LYPD6: variants seen among roughly 807,000 people sequenced by gnomAD.
LYPD6 encodes ly6/PLAUR domain-containing protein 6.
Under a neutral mutation model 22.7 loss-of-function variants are expected in LYPD6, and 15 were observed. The observed-to-expected ratio is 0.66, with a 90% CI of 0.44 to 1.02. LYPD6 has a LOEUF of 1.02. Among genes scored for constraint, LYPD6 ranks in the 50% least tolerant of loss-of-function variants. The pLI is 0.00. For synonymous variants in LYPD6, 72 were observed against 77.5 expected (o/e 0.93, Z 0.37); for missense variants, 189 against 208.4 (o/e 0.91, Z 0.57).
chr2:149,350,028 A>G (rs1681330372), intron 1 of LYPD6, among the ~76,000 whole-genome samples: 2 of 152,250 alleles, frequency 1.3e-5, no homozygotes, highest in African/African-American at 4.8e-5. Flanking sequence ...AAGGTGCATG[A>G]GTATTTTAAC....
chr2:149,406,678 C>T (rs1258474158), intron 1 of LYPD6, among the ~76,000 whole-genome samples: 2 of 151,970 alleles, frequency 1.3e-5, no homozygotes, highest in African/African-American at 2.4e-5. Context: ...TGTCTTGACT[C>T]TTTATCCAAT....
At chr2:149,384,999 G>C (rs998475222) in intron 1 of LYPD6, among the ~76,000 whole-genome samples, 1 of 150,962 alleles carries the variant, frequency 6.6e-6, no homozygotes, top group African/African-American at 2.4e-5. Flanking sequence ...TTGTCCTTGC[G>C]ATAGTTTACT....
At chr2:149,459,601 T>C (rs190569330) in intron 3 of LYPD6, among the ~76,000 whole-genome samples, 66 of 152,302 alleles carry the variant, frequency 4.3e-4, no homozygotes, top group Non-Finnish European at 1.5e-5. Context: ...TAGAGGATTA[T>C]TTAATACAAT....
the LYPD6 span, among the ~76,000 whole-genome samples, chr2:149,480,834 C>A: frequency 6.6e-6 from 1 of 152,166 alleles, no homozygotes; most frequent in African/African-American, 2.4e-5. Context: ...CTAGGCAGCC[C>A]CTACATGCAG....
chr2:149,401,999 A>G (rs1682567166), intron 1 of LYPD6, among the ~76,000 whole-genome samples: 1 of 152,168 alleles, frequency 6.6e-6, no homozygotes, highest in African/African-American at 2.4e-5. Context: ...ACTTAGAATA[A>G]TAGTCTCTGG....
At chr2:149,353,165 T>TACTA (rs1681389920) in intron 1 of LYPD6, among the ~76,000 whole-genome samples, 1 of 152,270 alleles carries the variant, frequency 6.6e-6, no homozygotes, top group African/African-American at 2.4e-5. Flanking sequence ...GGCATTTTGT[T>TACTA]ACTAACTTTG....
chr2:149,343,288 A>G (rs1462631522), intron 1 of LYPD6, among the ~76,000 whole-genome samples: 2 of 152,202 alleles, frequency 1.3e-5, no homozygotes, highest in African/African-American at 4.8e-5. Flanking sequence ...AGAAGGAGCT[A>G]AAGAACTTTT....
At chr2:149,384,524 G>A (rs1202668950) in intron 1 of LYPD6, among the ~76,000 whole-genome samples, 1 of 152,096 alleles carries the variant, frequency 6.6e-6, no homozygotes, top group African/African-American at 2.4e-5. Flanking sequence ...CCAGTCATGG[G>A]CACTGGTTGG....
chr2:149,389,367 A>G (rs1682259417), intron 1 of LYPD6, among the ~76,000 whole-genome samples: 1 of 152,126 alleles, frequency 6.6e-6, no homozygotes, highest in Admixed American at 6.5e-5. Context: ...TGAAATTAAG[A>G]CACCTGAAGA....
intron 1 of LYPD6, among the ~76,000 whole-genome samples, chr2:149,414,576 T>C (rs939212666): frequency 6.6e-6 from 1 of 152,224 alleles, no homozygotes; most frequent in Non-Finnish European, 1.5e-5. Flanking sequence ...TATTAAATTA[T>C]GATTTTCTGG....
intron 1 of LYPD6, among the ~76,000 whole-genome samples, chr2:149,393,448 A>G (rs776046641): frequency 2.0e-5 from 3 of 152,234 alleles, no homozygotes; most frequent in South Asian, 4.1e-4. Flanking sequence ...TCACAATTAC[A>G]GAAGCATACA....
At chr2:149,465,010 A>G (rs1681169610) in intron 3 of LYPD6, among the ~76,000 whole-genome samples, 1 of 152,116 alleles carries the variant, frequency 6.6e-6, no homozygotes, top group South Asian at 2.1e-4. Flanking sequence ...AAGTGTCCAG[A>G]AAATAGTTGG....
intron 1 of LYPD6, among the ~76,000 whole-genome samples, chr2:149,427,528 C>T (rs894398375): frequency 1.3e-5 from 2 of 152,188 alleles, no homozygotes; most frequent in African/African-American, 4.8e-5. Context: ...TTCTCAAGAA[C>T]CTTCAGATTG....
At chr2:149,402,720 T>C (rs1010442952) in intron 1 of LYPD6, among the ~76,000 whole-genome samples, 1 of 152,126 alleles carries the variant, frequency 6.6e-6, no homozygotes, top group Admixed American at 6.5e-5. Flanking sequence ...CCCACTTTTT[T>C]TTTATTTTTT....
intron 2 of LYPD6, among the ~76,000 whole-genome samples, chr2:149,442,437 T>A (rs1683588725): frequency 1.3e-5 from 2 of 152,176 alleles, no homozygotes; most frequent in Non-Finnish European, 2.9e-5. Flanking sequence ...GGCGTTTCTT[T>A]TTTTCTTTAC....
At chr2:149,464,415 A>G (rs180991808) in intron 3 of LYPD6, 19 of 232,820 alleles carry the variant, frequency 8.2e-5, no homozygotes, top group Middle Eastern at 5.4e-4. Flanking sequence ...TTGTGGTACT[A>G]TGTCTCAAGG....
chr2:149,362,735 A>G (rs964770146), intron 1 of LYPD6, among the ~76,000 whole-genome samples: 32 of 152,134 alleles, frequency 2.1e-4, no homozygotes, highest in African/African-American at 7.5e-4. Flanking sequence ...GCTAGAACTC[A>G]TTATTTTCTT....
chr2:149,352,056 C>G (rs1190534117), intron 1 of LYPD6, among the ~76,000 whole-genome samples: 1 of 152,108 alleles, frequency 6.6e-6, no homozygotes, highest in Non-Finnish European at 1.5e-5. Flanking sequence ...TGTGGACATT[C>G]TGCCACTCTC....
At chr2:149,425,521 A>G (rs1387387177) in intron 1 of LYPD6, among the ~76,000 whole-genome samples, 1 of 152,208 alleles carries the variant, frequency 6.6e-6, no homozygotes, top group Non-Finnish European at 1.5e-5. Context: ...TTTCTCTAAG[A>G]AAGAAATTAA....
Sources: allele counts gnomAD v4.1 joint callset (sites outside exome capture counted in the v4.1 genomes callset), GRCh38; gene constraint gnomAD v4.1.1; transcripts MANE v1.5; gene names NCBI Gene and HGNC (gene_info 2026-07-23, HGNC 2026-07-21).